Variants in POLR2B observed in about 807,000 individuals in gnomAD.
The protein encoded by POLR2B is RNA polymerase II subunit B, also known as DNA-directed RNA polymerase II subunit RPB2.
In POLR2B, 57 loss-of-function variants were observed where a neutral mutation model predicts 144.6. The observed-to-expected ratio is 0.39, with a 90% CI of 0.32 to 0.49. The LOEUF (loss-of-function observed/expected upper bound fraction) is 0.49. POLR2B is among the 20% of genes least tolerant of loss of function. POLR2B has a pLI of 0.83. For synonymous variants in POLR2B, 442 were observed against 469.8 expected, an observed-to-expected ratio of 0.94 and a Z score of 0.77; for missense variants, 595 against 1,467.4, an observed-to-expected ratio of 0.41 and a Z score of 9.71.
intron 23 of POLR2B, among the ~76,000 whole-genome samples, chr4:57,029,709 T>G (rs1198056185): frequency 6.6e-6 from 1 of 152,218 alleles, no homozygotes; most frequent in Non-Finnish European, 1.5e-5. Flanking sequence ...ACAAGCTGCC[T>G]TATTTAGATT....
At position 57,010,357 on chromosome 4, in the gene POLR2B, C is replaced by T. The variant is rs983146202; in HGVS notation, c.1405-4C>T. 6 of 1,609,804 alleles carry T rather than the reference C, an allele frequency of 3.7e-6. No individual in the cohort carries two copies. The African/African-American group carries it at 4.0e-5, about 11-fold the overall frequency. On this transcript the variant is annotated splice_region_variant and splice_polypyrimidine_tract_variant and intron_variant, in intron 10 of 24. Transcript: ENST00000314595. Reference sequence around the variant, plus strand: ...GACTTTAAAGATTGGCTATTTTTTTCTAGGTGTTAAACCGCCTGACTTTTG... The same window carrying T: ...GACTTTAAAGATTGGCTATTTTTTTTTAGGTGTTAAACCGCCTGACTTTTG...
intron 7 of POLR2B, among the ~76,000 whole-genome samples, chr4:57,000,592 C>G (rs1035837737): frequency 2.0e-5 from 3 of 152,182 alleles, no homozygotes; most frequent in Admixed American, 6.5e-5. Flanking sequence ...CCAATAGCCT[C>G]TTACTCCTAA....
At chr4:57,006,669 G>T in intron 9 of POLR2B, 147 bp from the exon 10 acceptor site, 2 of 621,106 alleles carry the variant, frequency 3.2e-6, no homozygotes, top group Non-Finnish European at 5.8e-6. Flanking sequence ...ATATATCTGT[G>T]CTTTAGACAT....
At chr4:56,986,492 T>A in intron 2 of POLR2B, 66 bp downstream of exon 2, 1 of 882,434 alleles carries the variant, frequency 1.1e-6, no homozygotes, top group Non-Finnish European at 1.9e-6. Context: ...TTCTTCTTGA[T>A]AAATAGCTCT....
In POLR2B at chr4:57,017,369, A is replaced by G. The variant is rs1723402927; in HGVS notation, c.2154+128A>G. The G allele has an allele frequency of 2.5e-6, 2 of 789,920 alleles. No individual in the cohort carries two copies. The highest frequency in any genetic ancestry group is 2.5e-5 in the East Asian group (1 of 40,512). The allele number at this position is 789,920 out of a possible 1,614,324, so 48.9% of individuals were successfully genotyped here. A position where few individuals can be genotyped will look rare whatever the true frequency, so the allele number is the denominator to read the frequency against. ...AAAGGCTATTAACTCCTACGGAATC[A>G]GTATTTGATATAATTGCTGTTGTGT... On this transcript the variant is annotated intron_variant, in intron 15 of 24. Coordinates refer to ENST00000314595, the MANE Select transcript of POLR2B (RefSeq NM_000938.3). This position sits in a 1 kb window ranked among gnomAD's most constrained non-coding sequence, Gnocchi z 4.8.
intron 2 of POLR2B, 179 bp downstream of exon 2, chr4:56,986,605 T>C: frequency 2.2e-6 from 1 of 464,196 alleles, no homozygotes; most frequent in Non-Finnish European, 3.8e-6. Context: ...TTAATCATTT[T>C]AACCAGATTC....
chr4:56,989,902 C>T (rs933585602), intron 2 of POLR2B, among the ~76,000 whole-genome samples: 1 of 152,124 alleles, frequency 6.6e-6, no homozygotes, highest in Admixed American at 6.6e-5. Flanking sequence ...TGAAAAGTAT[C>T]TGTTCCTTAT....
chr4:56,996,173 T>C (rs1722668148), intron 6 of POLR2B, among the ~76,000 whole-genome samples: 1 of 150,068 alleles, frequency 6.7e-6, no homozygotes, highest in Admixed American at 6.7e-5. Flanking sequence ...ATTTAATTTT[T>C]ACAGCTATCT....
At chr4:57,008,180 CA>C (rs1177507980) in intron 10 of POLR2B, among the ~76,000 whole-genome samples, 2 of 150,166 alleles carry the variant, frequency 1.3e-5, no homozygotes, top group Non-Finnish European at 2.9e-5. Context: ...ACAAATGCCA[CA>C]TTGCAAATTC....
At chr4:56,988,278 T>C (rs1487318192) in intron 2 of POLR2B, among the ~76,000 whole-genome samples, 2 of 151,844 alleles carry the variant, frequency 1.3e-5, no homozygotes, top group African/African-American at 4.8e-5. Context: ...AGATACAGCT[T>C]TCAAGCAGAA....
At position 57,000,174 on chromosome 4, in the gene POLR2B, G is replaced by A. The variant is rs185230172; in HGVS notation, c.900+393G>A. Among the ~76,000 whole-genome samples, 8 of 152,260 alleles carry A rather than the reference G, an allele frequency of 5.3e-5. No homozygotes were observed. The East Asian group carries it at 1.4e-3, about 26-fold the overall frequency. ...AAAAAGGCCAGTCATGGTGATTCAC[G>A]CCTATAATCTCAGCACTTTGGGAGG... On this transcript the variant is annotated intron_variant, in intron 7 of 24. Coordinates refer to ENST00000314595, the MANE Select transcript of POLR2B (RefSeq NM_000938.3).
At chr4:57,020,496 C>G (rs1723507517) in intron 16 of POLR2B, among the ~76,000 whole-genome samples, 1 of 152,038 alleles carries the variant, frequency 6.6e-6, no homozygotes, top group African/African-American at 2.4e-5. Flanking sequence ...GAGTCTATTG[C>G]TTATTAATTT....
At chr4:56,986,230 T>G in intron 1 of POLR2B, 124 bp from the exon 2 acceptor site, 2 of 759,038 alleles carry the variant, frequency 2.6e-6, no homozygotes, top group South Asian at 1.4e-5. Context: ...TTTAGAAAAG[T>G]GGGGTGAAAG....
intron 18 of POLR2B, among the ~76,000 whole-genome samples, chr4:57,022,496 G>A (rs1317882471): frequency 6.6e-6 from 1 of 152,152 alleles, no homozygotes; most frequent in Non-Finnish European, 1.5e-5. Flanking sequence ...CTGCATTGAG[G>A]AGGGAGTTTA....
chr4:56,993,043 C>T (rs1424038162), intron 3 of POLR2B, among the ~76,000 whole-genome samples: 2 of 152,044 alleles, frequency 1.3e-5, no homozygotes, highest in Non-Finnish European at 2.9e-5. Flanking sequence ...GTGGCTCATG[C>T]CTGTAATCCC....
rs149302783 is a variant in POLR2B, at chr4:57,016,842, C to A, written c.1956-201C>A. 2.0e-3 allele frequency among the ~76,000 whole-genome samples: 293 copies of A among 148,412 alleles called. 1 individual carries two copies. The highest frequency in any genetic ancestry group is 7.0e-3 in the African/African-American group (284 of 40,798). On this transcript the variant is annotated intron_variant, in intron 14 of 24. Transcript: ENST00000314595. ...CCAGTGCTTATTCTCCAGCAGCTTA[C>A]CTATTTCACTTGTCAACAATCATGT...
chr4:57,008,130 T>A (rs1723078731), intron 10 of POLR2B, among the ~76,000 whole-genome samples: 1 of 152,096 alleles, frequency 6.6e-6, no homozygotes, highest in African/African-American at 2.4e-5. Flanking sequence ...GGAAACAGAT[T>A]CATTCATGTG....
Position 57,017,301 on chromosome 4 carries a change from G to A in POLR2B, c.2154+60G>A. On this transcript the variant is annotated intron_variant, in intron 15 of 24. Coordinates refer to ENST00000314595, the MANE Select transcript of POLR2B (RefSeq NM_000938.3). The surrounding 1 kb of genome is among the most constrained non-coding windows in gnomAD (Gnocchi z 4.8). ...TTGGGAGAAGTAATAAAAATTGAAA[G>A]TAACTCTGTAGTCTTATCTGGAGGG... 1 of 1,244,218 alleles carries A rather than the reference G, an allele frequency of 8.0e-7. No individual in the cohort carries two copies. Among genetic ancestry groups the A allele is most frequent in the Non-Finnish European group, 1.2e-6 (1 of 861,552 alleles). 77.1% of individuals were successfully genotyped at this position (1,244,218 alleles called of 1,614,324 possible).
At chr4:57,014,272 G>T (rs912090715) in intron 13 of POLR2B, among the ~76,000 whole-genome samples, 1 of 151,958 alleles carries the variant, frequency 6.6e-6, no homozygotes, top group African/African-American at 2.4e-5. Context: ...TTGGCTCACT[G>T]CAACCTCTGC....
Sources: allele counts gnomAD v4.1 joint callset (sites outside exome capture counted in the v4.1 genomes callset), GRCh38; gene constraint gnomAD v4.1.1; non-coding constraint Gnocchi (gnomAD v3.1); transcripts MANE v1.5; gene names NCBI Gene and HGNC (gene_info 2026-07-23, HGNC 2026-07-21).